Variants in OTUD7A observed in about 807,000 individuals in gnomAD.
OTUD7A encodes OTU domain-containing protein 7A.
Under a neutral mutation model 65.7 loss-of-function variants are expected in OTUD7A, and 12 were observed. That is an observed-to-expected ratio of 0.18 (90% CI 0.12 to 0.30). The LOEUF is 0.30. Ranked by LOEUF, OTUD7A falls within the 10% of genes least tolerant of loss-of-function variation. The pLI, the probability that OTUD7A is intolerant of heterozygous loss-of-function variation, is 1.00. For synonymous variants in OTUD7A, 641 were observed against 586.3 expected (o/e 1.09, Z -1.35); for missense variants, 1,148 against 1,304.8 (o/e 0.88, Z 1.85).
At chr15:31,727,863 C>G (rs10459624) in intron 1 of OTUD7A, among the ~76,000 whole-genome samples, 1 of 151,936 alleles carries the variant, frequency 6.6e-6, no homozygotes, top group Non-Finnish European at 1.5e-5. Flanking sequence ...TCTTGGCTGG[C>G]CTTTCTGTGG....
chr15:31,644,947 C>A (rs1489958817), intron 3 of OTUD7A, among the ~76,000 whole-genome samples: 1 of 152,154 alleles, frequency 6.6e-6, no homozygotes, highest in Non-Finnish European at 1.5e-5. Context: ...TGGTTCTCTC[C>A]CCAGCTGCAC....
chr15:31,708,045 G>GA (rs1893347414), intron 1 of OTUD7A, among the ~76,000 whole-genome samples: 1 of 151,824 alleles, frequency 6.6e-6, no homozygotes, highest in African/African-American at 2.4e-5. Flanking sequence ...TTAAAAGGGA[G>GA]AACAGCCTTA....
At chr15:31,632,014 C>G (rs1036277560) in intron 3 of OTUD7A, among the ~76,000 whole-genome samples, 12 of 152,112 alleles carry the variant, frequency 7.9e-5, no homozygotes, top group South Asian at 4.1e-4. Context: ...AAGTTTTTAA[C>G]TTCTTTGCCA....
intron 3 of OTUD7A, among the ~76,000 whole-genome samples, chr15:31,641,679 A>C (rs986526909): frequency 3.9e-5 from 6 of 152,220 alleles, no homozygotes; most frequent in African/African-American, 1.2e-4. Context: ...CTACTGAATA[A>C]AGTATTTTTA....
intron 1 of OTUD7A, among the ~76,000 whole-genome samples, chr15:31,839,313 G>C (rs947356263): frequency 4.6e-5 from 7 of 152,184 alleles, no homozygotes; most frequent in Admixed American, 2.6e-4. Context: ...CTACTTTGGG[G>C]AACAGGACAC....
intron 5 of OTUD7A, among the ~76,000 whole-genome samples, chr15:31,551,526 C>A (rs1471995151): frequency 6.6e-6 from 1 of 152,212 alleles, no homozygotes; most frequent in African/African-American, 2.4e-5. Context: ...CTTATTCTGA[C>A]TTTTCTGAGC....
intron 1 of OTUD7A, among the ~76,000 whole-genome samples, chr15:31,676,392 A>G (rs1207779383): frequency 2.0e-5 from 3 of 152,150 alleles, no homozygotes; most frequent in African/African-American, 7.2e-5. Context: ...GACAATTCTG[A>G]CTTCTGCTTT....
At chr15:31,741,514 T>G (rs944806799) in intron 1 of OTUD7A, among the ~76,000 whole-genome samples, 6 of 152,160 alleles carry the variant, frequency 3.9e-5, no homozygotes, top group Non-Finnish European at 8.8e-5. Flanking sequence ...TTTAATATTT[T>G]CAAGAGTTAA....
At chr15:31,648,817 A>G (rs1891752845) in intron 3 of OTUD7A, among the ~76,000 whole-genome samples, 1 of 152,012 alleles carries the variant, frequency 6.6e-6, no homozygotes, top group South Asian at 2.1e-4. Flanking sequence ...CTGGAGTGTA[A>G]TGGTGCGATC....
In OTUD7A at chr15:31,633,734, G is replaced by A. The variant is rs1221915638; in HGVS notation, c.151+21362C>T. Among the ~76,000 whole-genome samples the A allele has an allele frequency of 3.3e-5, 5 of 152,236 alleles. No individual in the cohort carries two copies. The South Asian group carries it at 8.3e-4, about 25-fold the overall frequency. ...TTGTGCCTACCTGCTCTAACCCAAC[G>A]AATTACAACTCCTTGTGGGGAACCT... On this transcript the variant is annotated intron_variant, in intron 3 of 12. Transcript: ENST00000307050.
chr15:31,682,654 G>C (rs188445077), intron 1 of OTUD7A, among the ~76,000 whole-genome samples: 1 of 152,326 alleles, frequency 6.6e-6, no homozygotes, highest in Non-Finnish European at 1.5e-5. Context: ...CTTCAGTAAA[G>C]TAAACTCAAT....
chr15:31,540,405 T>C (rs1887950390), intron 5 of OTUD7A, among the ~76,000 whole-genome samples: 1 of 152,214 alleles, frequency 6.6e-6, no homozygotes, highest in Non-Finnish European at 1.5e-5. Context: ...GAATCTGGAC[T>C]AGAGTGTCTA....
At chr15:31,768,219 G>T in intron 1 of OTUD7A, 1 of 1,008,904 alleles carries the variant, frequency 9.9e-7, no homozygotes, top group Non-Finnish European at 1.6e-6. Flanking sequence ...TCAGCGTCCG[G>T]TGGCATCCAT....
intron 1 of OTUD7A, among the ~76,000 whole-genome samples, chr15:31,826,643 G>A (rs1329807879): frequency 2.0e-5 from 3 of 152,198 alleles, no homozygotes; most frequent in African/African-American, 4.8e-5. Flanking sequence ...ATTTCTCCTA[G>A]GAAAATAGGA....
intron 3 of OTUD7A, among the ~76,000 whole-genome samples, chr15:31,587,453 T>A (rs1317530994): frequency 6.6e-6 from 1 of 151,720 alleles, no homozygotes; most frequent in Non-Finnish European, 1.5e-5. Context: ...CTGGCCAAGA[T>A]GGTGAAACCC....
At position 31,483,461 on chromosome 15, in the gene OTUD7A, C is replaced by A; in HGVS notation, c.2635G>T (p.Ala879Ser). Reference protein sequence around the residue: ...LEFADADAPTARSNGECGRGG... With the variant: ...LEFADADAPTSRSNGECGRGG... Reference sequence around the variant, plus strand: ...CGGCCGCACTCACCGTTCGAGCGCGCGGTCGGCGCGTCGGCGTCGGCGAAC... The same window carrying A: ...CGGCCGCACTCACCGTTCGAGCGCGAGGTCGGCGCGTCGGCGTCGGCGAAC... Residue 879 changes from alanine (A) to serine (S), a missense_variant, in exon 13 of 13, where the codon GCG becomes TCG. Ala to Ser is a moderately conservative substitution (Grantham distance 99). Around this residue, in one of 6 missense-constraint regions of OTUD7A, gnomAD observed 842 missense variants for 769.5 expected, o/e 1.09. Coordinates refer to ENST00000307050, the MANE Select transcript of OTUD7A (RefSeq NM_001382637.1). The A allele has an allele frequency of 7.2e-7, 1 of 1,379,936 alleles. No homozygotes were observed. The highest frequency in any genetic ancestry group is 1.4e-5 in the South Asian group (1 of 68,984). 85.5% of individuals were successfully genotyped at this position (1,379,936 alleles called of 1,614,324 possible). A position where few individuals can be genotyped will look rare whatever the true frequency, so the allele number is the denominator to read the frequency against.
At chr15:31,840,066 C>T (rs1030626697) in intron 1 of OTUD7A, among the ~76,000 whole-genome samples, 1 of 151,722 alleles carries the variant, frequency 6.6e-6, no homozygotes, top group African/African-American at 2.4e-5. Context: ...ACTAGCAATC[C>T]CCATTAAAAT....
chr15:31,668,706 T>G (rs1466263810), intron 1 of OTUD7A, among the ~76,000 whole-genome samples: 1 of 152,198 alleles, frequency 6.6e-6, no homozygotes, highest in Non-Finnish European at 1.5e-5. Flanking sequence ...TGTGATTTTT[T>G]GGGGGGTGTT....
At chr15:31,585,149 G>C (rs1889491945) in intron 3 of OTUD7A, among the ~76,000 whole-genome samples, 1 of 152,164 alleles carries the variant, frequency 6.6e-6, no homozygotes, top group Non-Finnish European at 1.5e-5. Flanking sequence ...GTTAGATATG[G>C]GCCAAAGGAT....
Sources: allele counts gnomAD v4.1 joint callset (sites outside exome capture counted in the v4.1 genomes callset), GRCh38; gene constraint gnomAD v4.1.1; regional missense constraint gnomAD v4.1.1; transcripts MANE v1.5; gene names NCBI Gene and HGNC (gene_info 2026-07-23, HGNC 2026-07-21).